PDE1A: variants seen among roughly 807,000 people sequenced by gnomAD.
The protein encoded by PDE1A is dual specificity calcium/calmodulin-dependent 3',5'-cyclic nucleotide phosphodiesterase 1A.
In PDE1A, 35 loss-of-function variants were observed where a neutral mutation model predicts 61.7. That is an observed-to-expected ratio of 0.57 (90% CI 0.43 to 0.75). PDE1A has a LOEUF of 0.75. Among genes scored for constraint, PDE1A ranks in the 30% least tolerant of loss-of-function variants. The pLI is 0.00. For missense variants in PDE1A, 597 were observed against 630.6 expected (o/e 0.95, Z 0.57); for synonymous variants, 232 against 213.2 (o/e 1.09, Z -0.77).
intron 2 of PDE1A, among the ~76,000 whole-genome samples, chr2:182,488,058 A>G (rs781468180): frequency 6.6e-6 from 1 of 152,224 alleles, no homozygotes; most frequent in Non-Finnish European, 1.5e-5. Context: ...ACAAAAAAGT[A>G]TAAGTTGAAT....
chr2:182,638,054 C>G, the PDE1A span, among the ~76,000 whole-genome samples: 1 of 152,136 alleles, frequency 6.6e-6, no homozygotes, highest in Non-Finnish European at 1.5e-5. Context: ...AGAAAAGAAA[C>G]ATTATCAAGG....
the PDE1A span, among the ~76,000 whole-genome samples, chr2:182,645,581 C>G: frequency 2.0e-5 from 3 of 151,916 alleles, no homozygotes; most frequent in Non-Finnish European, 4.4e-5. Context: ...GAGAGCTTGT[C>G]AGATATTCAG....
intron 1 of PDE1A, among the ~76,000 whole-genome samples, chr2:182,341,925 T>A (rs1698211375): frequency 6.6e-6 from 1 of 152,036 alleles, no homozygotes; most frequent in Non-Finnish European, 1.5e-5. Flanking sequence ...ACCCAGCTAC[T>A]TTTTTTAAAA....
the PDE1A span, among the ~76,000 whole-genome samples, chr2:182,590,168 A>G: frequency 6.6e-6 from 1 of 152,184 alleles, no homozygotes; most frequent in Non-Finnish European, 1.5e-5. Flanking sequence ...GAGGAGACTG[A>G]AATGTGTATA....
chr2:182,189,094 G>T, intron 10 of PDE1A, 34 bp from the exon 11 acceptor site: 1 of 1,436,330 alleles, frequency 7.0e-7, no homozygotes, highest in Admixed American at 1.8e-5. Flanking sequence ...TATAGACTTG[G>T]GTTGGAGAAG....
intron 1 of PDE1A, 54 bp from the exon 2 acceptor site, chr2:182,264,468 T>TTTTCC: frequency 1.1e-5 from 14 of 1,285,946 alleles, no homozygotes; most frequent in Non-Finnish European, 1.6e-5. Context: ...ATTGTAACTA[T>TTTTCC]ATGGAAAATA....
intron 13 of PDE1A, among the ~76,000 whole-genome samples, chr2:182,161,667 G>T (rs1381268219): frequency 6.6e-6 from 1 of 152,098 alleles, no homozygotes; most frequent in Non-Finnish European, 1.5e-5. Flanking sequence ...TCCCAGAGGG[G>T]AGGTTCAGAG....
chr2:182,308,928 T>G (rs76725065), intron 1 of PDE1A, among the ~76,000 whole-genome samples: 4,096 of 152,098 alleles, frequency 0.027, 108 homozygotes, highest in South Asian at 0.11. Context: ...GGAATCGTAT[T>G]TATGCCCTTA....
intron 1 of PDE1A, among the ~76,000 whole-genome samples, chr2:182,364,476 A>AAAAAAAAAAAAAAC: frequency 7.6e-6 from 1 of 131,684 alleles, no homozygotes; most frequent in Non-Finnish European, 1.6e-5. Flanking sequence ...TAAAAAAAAA[A>AAAAAAAAAAAAAAC]AAAAAAAAAA....
chr2:182,688,178 T>C, the PDE1A span, among the ~76,000 whole-genome samples: 2 of 152,036 alleles, frequency 1.3e-5, no homozygotes, highest in East Asian at 1.9e-4. Context: ...ATACAGAGAA[T>C]GCAACAAAGA....
the PDE1A span, among the ~76,000 whole-genome samples, chr2:182,667,865 G>A: frequency 5.3e-5 from 8 of 152,206 alleles, 1 homozygote; most frequent in South Asian, 1.7e-3. Context: ...TAAACCCTTG[G>A]GATCTGAAAA....
rs1036942997 is a variant in PDE1A, at chr2:182,386,818, G to T, written c.53+39760C>A. ...AGGGAGGTGGGGGGCACCTCCACCC[G>T]GCCGCCGCCCCGTCTGGGAGGTGGG... On this transcript the variant is annotated intron_variant, in intron 1 of 13. Transcript: ENST00000351439. Among the ~76,000 whole-genome samples the T allele has an allele frequency of 7.4e-5, 11 of 148,406 alleles. 1 individual carries two copies. The South Asian group carries it at 2.4e-3, about 32-fold the overall frequency.
chr2:182,440,579 T>C (rs1049402438), intron 2 of PDE1A, among the ~76,000 whole-genome samples: 7 of 148,190 alleles, frequency 4.7e-5, no homozygotes, highest in South Asian at 4.2e-4. Flanking sequence ...ATTTCTGCAT[T>C]ATTAAAACAA....
chr2:182,194,881 T>TCACACACACA (rs55809632), intron 10 of PDE1A, among the ~76,000 whole-genome samples: 66 of 144,940 alleles, frequency 4.6e-4, no homozygotes, highest in Middle Eastern at 3.5e-3. Flanking sequence ...TCTGAAATAT[T>TCACACACACA]CACACACACA....
At chr2:182,454,520 A>C (rs1471697674) in intron 2 of PDE1A, among the ~76,000 whole-genome samples, 1 of 152,076 alleles carries the variant, frequency 6.6e-6, no homozygotes, top group African/African-American at 2.4e-5. Flanking sequence ...TTCAAACTAT[A>C]CAACAAGGCT....
At chr2:182,527,891 C>T (rs1207091934), upstream of PDE1A, among the ~76,000 whole-genome samples, 5 of 152,100 alleles carry the variant, frequency 3.3e-5, no homozygotes, top group Admixed American at 6.6e-5. Flanking sequence ...CGTCTGCCAC[C>T]ATGTAAGATG....
At chr2:182,563,733 G>C in the PDE1A span, among the ~76,000 whole-genome samples, 1 of 152,180 alleles carries the variant, frequency 6.6e-6, no homozygotes, top group East Asian at 1.9e-4. Flanking sequence ...TATGAAAGTG[G>C]ATGCTCCTGT....
chr2:182,276,964 G>C (rs1693463319), intron 1 of PDE1A, among the ~76,000 whole-genome samples: 1 of 152,064 alleles, frequency 6.6e-6, no homozygotes, highest in Non-Finnish European at 1.5e-5. Context: ...TTTGAAGTCA[G>C]ACCAGTTCTC....
At chr2:182,453,293 G>C (rs1223729047) in intron 2 of PDE1A, among the ~76,000 whole-genome samples, 1 of 151,958 alleles carries the variant, frequency 6.6e-6, no homozygotes, top group African/African-American at 2.4e-5. Flanking sequence ...AGCTCAAAAA[G>C]CTTTTTGGGA....
Sources: gnomAD v4.1 joint callset for allele counts (sites outside exome capture counted in the v4.1 genomes callset) on GRCh38, gnomAD v4.1.1 for gene constraint, MANE v1.5 for transcripts, NCBI Gene and HGNC (gene_info 2026-07-23, HGNC 2026-07-21) for gene names.